The following UGGT1 variants were observed in gnomAD, a reference collection of about 807,000 sequenced individuals.
The protein encoded by UGGT1 is UDP-glucose glycoprotein glucosyltransferase 1, also known as UDP-glucose:glycoprotein glucosyltransferase 1.
A neutral mutation model predicts 203.9 loss-of-function variants in UGGT1; 107 were observed. That is an observed-to-expected ratio of 0.52 (90% CI 0.45 to 0.62). UGGT1 has a LOEUF of 0.62. Ranked by LOEUF, UGGT1 falls within the 20% of genes least tolerant of loss-of-function variation. UGGT1 has a pLI of 0.00. For missense variants in UGGT1, 1,673 were observed against 1,867.2 expected (o/e 0.90, Z 1.92); for synonymous variants, 628 against 653.5 (o/e 0.96, Z 0.59).
chr2:128,097,409 T>C lies in UGGT1; in HGVS notation c.59-20T>C. 1 of 1,582,484 alleles carries C rather than the reference T, an allele frequency of 6.3e-7. No homozygotes were observed. The highest frequency in any genetic ancestry group is 8.5e-7 in the Non-Finnish European group (1 of 1,170,412). On this transcript the variant is annotated intron_variant, in intron 1 of 40. Coordinates refer to ENST00000259253, the MANE Select transcript of UGGT1 (RefSeq NM_020120.4). The stretch of plus-strand genomic sequence containing the variant: ...AAAAATTTCCTTGTAGCAAAACTTC[T>C]TTTCTTTTTTTCCTTTTAGGAGTTT...
intron 1 of UGGT1, among the ~76,000 whole-genome samples, chr2:128,092,605 C>CTTTTTTTTTTT (rs55814829): frequency 2.4e-5 from 3 of 126,716 alleles, no homozygotes; most frequent in Non-Finnish European, 4.8e-5. Flanking sequence ...TTCTTTCTTT[C>CTTTTTTTTTTT]TTTTTTTTTT....
intron 15 of UGGT1, among the ~76,000 whole-genome samples, chr2:128,135,340 C>T (rs758285943): frequency 1.1e-4 from 17 of 152,216 alleles, no homozygotes; most frequent in South Asian, 2.1e-4. Flanking sequence ...TATACACAGC[C>T]TTTTGTAGAT....
Position 128,164,817 on chromosome 2 carries a change from CAG to C in UGGT1, c.2915_2916del (p.Arg972ThrfsTer16). 1 of 1,605,354 alleles carries C rather than the reference CAG, an allele frequency of 6.2e-7. No individual in the cohort carries two copies. Among genetic ancestry groups the C allele is most frequent in the East Asian group, 2.2e-5 (1 of 44,624 alleles). ...PRIEYQFFED[R>X]HSAIKLRPKE... The stretch of plus-strand genomic sequence containing the variant: ...GAATCGAGTACCAGTTTTTTGAAGA[CAG>C]ACACAGGTATAGAATTAATGTTGAA... On this transcript the variant is annotated frameshift_variant, in exon 26 of 41. Coordinates refer to ENST00000259253, the MANE Select transcript of UGGT1 (RefSeq NM_020120.4). LOFTEE classifies it high-confidence loss of function.
At chr2:128,178,145 GACTC>G (rs956782157) in intron 33 of UGGT1, among the ~76,000 whole-genome samples, 13 of 152,304 alleles carry the variant, frequency 8.5e-5, no homozygotes, top group Admixed American at 7.8e-4. Context: ...CATACTTTGT[GACTC>G]TCATTGCCTG....
intron 37 of UGGT1, 61 bp downstream of exon 37, chr2:128,182,351 G>A: frequency 6.5e-7 from 1 of 1,535,702 alleles, no homozygotes. Flanking sequence ...GATTTTGTGT[G>A]GTTAAAATTG....
chr2:128,156,390 A>T lies in UGGT1; in HGVS notation c.2237-2A>T. 1 of 1,591,222 alleles carries T rather than the reference A, an allele frequency of 6.3e-7. No homozygotes were observed. ...TACTCTTTTCTCTTTACCTTTGTTC[A>T]GGAATGTCCTCCAAGGAAATCTATG... is the stretch of plus-strand genomic sequence containing the variant. On this transcript the variant is annotated splice_acceptor_variant, in intron 20 of 40. Coordinates refer to ENST00000259253, the MANE Select transcript of UGGT1 (RefSeq NM_020120.4). LOFTEE classifies it high-confidence loss of function.
At chr2:128,181,761 C>T (rs772831482) in intron 36 of UGGT1, among the ~76,000 whole-genome samples, 1 of 152,174 alleles carries the variant, frequency 6.6e-6, no homozygotes, top group Non-Finnish European at 1.5e-5. Flanking sequence ...TTACGATGGG[C>T]AAGGCATTAT....
chr2:128,129,003 A>T, intron 12 of UGGT1, 26 bp from the exon 13 acceptor site: 1 of 1,508,328 alleles, frequency 6.6e-7, no homozygotes. Flanking sequence ...TTCCTAGTAA[A>T]TATCTCTTTT....
intron 25 of UGGT1, among the ~76,000 whole-genome samples, chr2:128,163,195 T>C (rs1471191679): frequency 6.6e-6 from 1 of 152,214 alleles, no homozygotes; most frequent in Non-Finnish European, 1.5e-5. Flanking sequence ...AGGAAGAGAA[T>C]GGCCTGTATT....
At chr2:128,148,041 C>G (rs988644072) in intron 18 of UGGT1, among the ~76,000 whole-genome samples, 6 of 152,036 alleles carry the variant, frequency 3.9e-5, no homozygotes, top group African/African-American at 1.2e-4. Context: ...TAGTGACTTT[C>G]CTGAACCAAT....
intron 13 of UGGT1, 151 bp from the exon 14 acceptor site, chr2:128,132,990 A>T (rs1404052831): frequency 1.1e-6 from 1 of 934,146 alleles, no homozygotes; most frequent in African/African-American, 1.7e-5. Flanking sequence ...TACAGATGTG[A>T]GCCACTCACT....
intron 10 of UGGT1, among the ~76,000 whole-genome samples, chr2:128,121,687 G>A (rs1023513535): frequency 3.9e-5 from 6 of 152,176 alleles, no homozygotes; most frequent in African/African-American, 7.2e-5. Flanking sequence ...GATTACAGGC[G>A]TGAGCCACCA....
chr2:128,113,205 A>C lies in UGGT1; in HGVS notation c.643A>C (p.Ile215Leu). 1 of 1,613,248 alleles carries C rather than the reference A, an allele frequency of 6.2e-7. No homozygotes were observed. The highest frequency in any genetic ancestry group is 1.7e-4 in the Middle Eastern group (1 of 6,054). The change falls in exon 6 of 41, where the codon ATA becomes CTA. Residue 215 changes from isoleucine to leucine, a missense_variant. By Grantham distance (5) the Ile-to-Leu change is conservative. Around this residue, in one of 4 missense-constraint regions of UGGT1, gnomAD observed 1,073 missense variants for 1,078.7 expected, o/e 0.99. Transcript: ENST00000259253. ...ATTTTCCAATTTTCACCGCCAGCTT[A>C]TATCAAAAAGCAATGCAGGCAAAAT... ...EEFSNFHRQL[I>L]SKSNAGKINY...
intron 2 of UGGT1, 95 bp downstream of exon 2, chr2:128,097,659 TC>T: frequency 1.4e-6 from 2 of 1,463,432 alleles, no homozygotes; most frequent in Non-Finnish European, 1.9e-6. Flanking sequence ...GAGATTATCA[TC>T]AAATGCATTT....
chr2:128,189,997 T>G lies in UGGT1; in HGVS notation c.*255T>G. The G allele has an allele frequency of 2.6e-6, 1 of 388,010 alleles. No homozygotes were observed. The highest frequency in any genetic ancestry group is 4.7e-6 in the Non-Finnish European group (1 of 215,032). 24.0% of individuals were successfully genotyped at this position (388,010 alleles called of 1,614,324 possible). On this transcript the variant is annotated 3_prime_UTR_variant, in exon 41 of 41. Coordinates refer to ENST00000259253, the MANE Select transcript of UGGT1 (RefSeq NM_020120.4). Reference sequence around the variant, plus strand: ...TTGGACTCTGTAAAGAGCATTCTTCTAGTCAGAGGGTGGAATGGCAGCAGC... The same window carrying G: ...TTGGACTCTGTAAAGAGCATTCTTCGAGTCAGAGGGTGGAATGGCAGCAGC...
chr2:128,153,864 G>A (rs1690098944), intron 19 of UGGT1, among the ~76,000 whole-genome samples: 1 of 152,148 alleles, frequency 6.6e-6, no homozygotes, highest in Non-Finnish European at 1.5e-5. Context: ...AAATAAGATG[G>A]AACTGTCATC....
In UGGT1 at chr2:128,109,758, GTTTC is replaced by G; in HGVS notation, c.521+16_521+19del. On this transcript the variant is annotated intron_variant, in intron 5 of 40. Coordinates refer to ENST00000259253, the MANE Select transcript of UGGT1 (RefSeq NM_020120.4). The stretch of plus-strand genomic sequence containing the variant: ...ACAGCCTCTGAAAGGTAGATTATGT[GTTTC>G]TTTATTTTCATGTCATGCATTTCCA... 2 of 1,601,338 alleles carry G rather than the reference GTTTC, an allele frequency of 1.2e-6. No homozygotes were observed. Among genetic ancestry groups the G allele is most frequent in the Non-Finnish European group, 1.7e-6 (2 of 1,169,120 alleles).
rs1424017349 is a variant in UGGT1, at chr2:128,145,910, C to T, written c.1959C>T (p.Thr653=). The change falls in exon 18 of 41, where the codon ACC becomes ACT. Residue 653 remains threonine (T), a synonymous_variant. Transcript: ENST00000259253. ...REQLDPDELE[T]ITMHKILETT... ...AGCTAGACCCTGATGAGTTAGAAAC[C>T]ATCACAATGCATAAAATCCTGGAGA... The T allele has an allele frequency of 6.2e-7, 1 of 1,613,926 alleles. No homozygotes were observed. The highest frequency in any genetic ancestry group is 1.3e-5 in the African/African-American group (1 of 74,896).
chr2:128,161,969 C>T (rs1406343217), intron 25 of UGGT1, among the ~76,000 whole-genome samples: 1 of 152,188 alleles, frequency 6.6e-6, no homozygotes, highest in African/African-American at 2.4e-5. Flanking sequence ...TACATTCCCA[C>T]TGGCAATGCT....
Sources: allele counts gnomAD v4.1 joint callset (sites outside exome capture counted in the v4.1 genomes callset), GRCh38; gene constraint gnomAD v4.1.1; regional missense constraint gnomAD v4.1.1; transcripts MANE v1.5; gene names NCBI Gene and HGNC (gene_info 2026-07-23, HGNC 2026-07-21).